Variants in NLGN1 observed in about 807,000 individuals in gnomAD.
NLGN1 encodes neuroligin-1.
NLGN1 carries 12 observed loss-of-function variants against 65.5 expected under a neutral mutation model. The ratio of observed to expected loss-of-function variants is 0.18; its 90% CI spans 0.12 to 0.30. The LOEUF is 0.30. Among genes scored for constraint, NLGN1 ranks in the 10% least tolerant of loss-of-function variants. The probability of loss-of-function intolerance (pLI) is 1.00; values close to 1 mark genes in which losing one functional copy is unlikely to be tolerated. For synonymous variants in NLGN1, 350 were observed against 359.5 expected, an observed-to-expected ratio of 0.97 and a Z score of 0.30; for missense variants, 750 against 1,007.1, an observed-to-expected ratio of 0.74 and a Z score of 3.46.
At chr3:173,572,653 T>C (rs1744834448) in intron 2 of NLGN1, among the ~76,000 whole-genome samples, 1 of 152,222 alleles carries the variant, frequency 6.6e-6, no homozygotes, top group Non-Finnish European at 1.5e-5. Context: ...TTGTCATAGT[T>C]ATGATTTCGA....
chr3:174,076,136 T>C (rs947330569), intron 4 of NLGN1, among the ~76,000 whole-genome samples: 4 of 152,186 alleles, frequency 2.6e-5, no homozygotes, highest in Non-Finnish European at 5.9e-5. Context: ...TAAAGCAAGA[T>C]GTTTTGTCAT....
chr3:173,466,948 AT>A (rs1724460316), intron 2 of NLGN1, among the ~76,000 whole-genome samples: 1 of 152,166 alleles, frequency 6.6e-6, no homozygotes, highest in Non-Finnish European at 1.5e-5. Context: ...GGATTCAAAA[AT>A]TTGTTGCCTT....
chr3:173,609,226 A>C (rs2149463373), intron 3 of NLGN1, among the ~76,000 whole-genome samples: 1 of 152,116 alleles, frequency 6.6e-6, no homozygotes, highest in East Asian at 1.9e-4. Flanking sequence ...TTATTTGCAT[A>C]GCTCTTCTAA....
At chr3:174,099,547 T>G (rs1419802152) in intron 4 of NLGN1, among the ~76,000 whole-genome samples, 1 of 152,206 alleles carries the variant, frequency 6.6e-6, no homozygotes, top group Non-Finnish European at 1.5e-5. Context: ...AGGCTTTCCC[T>G]GGACTTCTGA....
intron 4 of NLGN1, among the ~76,000 whole-genome samples, chr3:173,900,255 C>G (rs1737091590): frequency 6.6e-6 from 1 of 152,004 alleles, no homozygotes; most frequent in Non-Finnish European, 1.5e-5. Flanking sequence ...TGTTTTGTTA[C>G]TACTTCATTT....
chr3:173,465,768 A>G (rs922803026), intron 2 of NLGN1, among the ~76,000 whole-genome samples: 1 of 152,230 alleles, frequency 6.6e-6, no homozygotes, highest in Non-Finnish European at 1.5e-5. Flanking sequence ...AAAGAAAAAT[A>G]TGGTAGAACA....
intron 2 of NLGN1, among the ~76,000 whole-genome samples, chr3:173,569,817 A>T (rs1744335095): frequency 1.3e-5 from 2 of 152,106 alleles, no homozygotes; most frequent in Admixed American, 1.3e-4. Flanking sequence ...CATAGGCAGT[A>T]AGTTCAACTG....
intron 3 of NLGN1, among the ~76,000 whole-genome samples, chr3:173,709,739 G>A (rs951690069): frequency 1.4e-5 from 2 of 143,738 alleles, no homozygotes; most frequent in Non-Finnish European, 3.0e-5. Context: ...GGAGGCGGAG[G>A]TTGCAGTGAG....
chr3:173,538,534 A>G (rs942365493), intron 2 of NLGN1, among the ~76,000 whole-genome samples: 2 of 152,226 alleles, frequency 1.3e-5, no homozygotes, highest in Non-Finnish European at 2.9e-5. Context: ...ATATTTCAAT[A>G]AGGACAAAAT....
At chr3:173,502,165 A>G (rs912042159) in intron 2 of NLGN1, among the ~76,000 whole-genome samples, 8 of 152,102 alleles carry the variant, frequency 5.3e-5, no homozygotes, top group African/African-American at 1.9e-4. Context: ...TTTGACAACA[A>G]TCAACTCTAT....
chr3:174,014,651 A>G (rs1276704785), intron 4 of NLGN1, among the ~76,000 whole-genome samples: 3 of 152,168 alleles, frequency 2.0e-5, no homozygotes, highest in African/African-American at 7.2e-5. Context: ...CCTTGATCTC[A>G]ATGGCATGTC....
intron 4 of NLGN1, among the ~76,000 whole-genome samples, chr3:173,887,399 A>G (rs897385181): frequency 8.6e-5 from 13 of 152,022 alleles, no homozygotes; most frequent in Admixed American, 5.9e-4. Context: ...CAAAAGAAAT[A>G]TGAACCTATT....
intron 4 of NLGN1, among the ~76,000 whole-genome samples, chr3:173,837,660 A>G (rs1723908993): frequency 6.6e-6 from 1 of 152,252 alleles, no homozygotes; most frequent in South Asian, 2.1e-4. Flanking sequence ...GATGGCCTAC[A>G]TTTGTATACA....
At chr3:173,619,622 C>T (rs1753673146) in intron 3 of NLGN1, among the ~76,000 whole-genome samples, 1 of 152,126 alleles carries the variant, frequency 6.6e-6, no homozygotes, top group Non-Finnish European at 1.5e-5. Flanking sequence ...ATTAGTATTT[C>T]CACTTTACTA....
At chr3:174,263,158 T>G (rs1319240705) in intron 4 of NLGN1, among the ~76,000 whole-genome samples, 2 of 150,764 alleles carry the variant, frequency 1.3e-5, no homozygotes, top group African/African-American at 4.9e-5. Flanking sequence ...AAATGTATAT[T>G]CTGTTGATTT....
Position 173,981,591 on chromosome 3 carries a change from A to G in NLGN1, c.646+173759A>G, listed in dbSNP as rs542665329. On this transcript the variant is annotated intron_variant, in intron 4 of 6. Transcript: ENST00000457714. ...ATAGCATTGGCTGAATATGTCTTCT[A>G]TTTCTTGTATTGCTATGTAAGGCCA... Among the ~76,000 whole-genome samples, 4 of 152,104 alleles carry G rather than the reference A, an allele frequency of 2.6e-5. No individual in the cohort carries two copies. In the South Asian group the frequency reaches 6.2e-4, roughly 24 times the overall value.
At chr3:174,111,087 A>C (rs762812093) in intron 4 of NLGN1, among the ~76,000 whole-genome samples, 1 of 151,996 alleles carries the variant, frequency 6.6e-6, no homozygotes, top group Non-Finnish European at 1.5e-5. Context: ...TAATTATTTT[A>C]ATCCAAAAAA....
At chr3:174,059,056 G>T (rs1291657204) in intron 4 of NLGN1, among the ~76,000 whole-genome samples, 1 of 152,110 alleles carries the variant, frequency 6.6e-6, no homozygotes, top group Non-Finnish European at 1.5e-5. Flanking sequence ...GTTTCCCGTT[G>T]CTGTTTAATA....
At chr3:173,918,525 C>G (rs745809178) in intron 4 of NLGN1, among the ~76,000 whole-genome samples, 5 of 147,956 alleles carry the variant, frequency 3.4e-5, no homozygotes, top group Non-Finnish European at 5.9e-5. Flanking sequence ...CCCAGCTACT[C>G]GGGAGGCTGA....
Sources: gnomAD v4.1 joint callset for allele counts (sites outside exome capture counted in the v4.1 genomes callset) on GRCh38, gnomAD v4.1.1 for gene constraint, MANE v1.5 for transcripts, NCBI Gene and HGNC (gene_info 2026-07-23, HGNC 2026-07-21) for gene names.